Variants in CHMP6 observed in about 807,000 individuals in gnomAD.
CHMP6 encodes charged multivesicular body protein 6, also known as chromatin-modifying protein 6.
A neutral mutation model predicts 32.8 loss-of-function variants in CHMP6; 10 were observed. The ratio of observed to expected loss-of-function variants is 0.30; its 90% confidence interval spans 0.19 to 0.52. The LOEUF is 0.52. Ranked by LOEUF, CHMP6 falls within the 20% of genes least tolerant of loss-of-function variation. The pLI is 0.97. For missense variants in CHMP6, 269 were observed against 263.8 expected, an observed-to-expected ratio of 1.02 and a Z score of -0.14; for synonymous variants, 123 against 105.8, an observed-to-expected ratio of 1.16 and a Z score of -1.00.
At chr17:80,998,603 C>A in intron 7 of CHMP6, 183 bp downstream of exon 7, 1 of 1,456,076 alleles carries the variant, frequency 6.9e-7, no homozygotes, top group Non-Finnish European at 9.0e-7. Context: ...CCCAGGGGTT[C>A]GGTAACTGGG....
chr17:80,994,444 C>A, intron 1 of CHMP6, 137 bp from the exon 2 acceptor site: 1 of 634,676 alleles, frequency 1.6e-6, no homozygotes, highest in South Asian at 2.2e-5. Flanking sequence ...GACAGCACCA[C>A]CTGTCCCCTG....
rs1318258520 is a variant in CHMP6 at position 80,999,321 on chromosome 17, T to C, written c.*168T>C. The C allele has an allele frequency of 7.5e-6, 5 of 668,820 alleles. No homozygotes were observed. The highest frequency in any genetic ancestry group is 1.8e-5 in the South Asian group (1 of 54,780). 41.4% of individuals were successfully genotyped at this position (668,820 alleles called of 1,614,324 possible). Reference sequence around the variant, plus strand: ...TGCAGGAGGACTCCAGAGCGTCTCCTGGAGACCTTGAGCCTGAACGCACTC... The same window carrying C: ...TGCAGGAGGACTCCAGAGCGTCTCCCGGAGACCTTGAGCCTGAACGCACTC... On this transcript the variant is annotated 3_prime_UTR_variant, in exon 8 of 8. Transcript: ENST00000325167.
At chr17:80,998,961 C>T in intron 7 of CHMP6, 137 bp from the exon 8 acceptor site, 1 of 968,998 alleles carries the variant, frequency 1.0e-6, no homozygotes, top group South Asian at 1.5e-5. Flanking sequence ...CACTTGCCTC[C>T]CCCAGAGCTG....
intron 7 of CHMP6, among the ~76,000 whole-genome samples, chr17:80,998,860 C>G (rs530025686): frequency 6.6e-6 from 1 of 152,316 alleles, no homozygotes; most frequent in Non-Finnish European, 1.5e-5. Flanking sequence ...CTCTTCTCCT[C>G]TCTGAGTCCC....
At chr17:80,998,679 C>A in intron 7 of CHMP6, 1 of 1,397,716 alleles carries the variant, frequency 7.2e-7, no homozygotes, top group African/African-American at 1.4e-5. Context: ...TGGGGAAAGG[C>A]TTCTTTAGCA....
chr17:80,992,635 C>CGTTT (rs1291667108), intron 1 of CHMP6, among the ~76,000 whole-genome samples: 6 of 152,138 alleles, frequency 3.9e-5, no homozygotes, highest in Admixed American at 1.3e-4. Context: ...GTGTTTGGCG[C>CGTTT]GTTTGTTTGC....
At chr17:80,997,606 G>A (rs2069650450) in intron 6 of CHMP6, among the ~76,000 whole-genome samples, 1 of 152,180 alleles carries the variant, frequency 6.6e-6, no homozygotes, top group South Asian at 2.1e-4. Context: ...TTCTGTCCCC[G>A]GCTGTCACGG....
intron 4 of CHMP6, among the ~76,000 whole-genome samples, chr17:80,996,550 G>A (rs573629315): frequency 2.6e-5 from 4 of 152,338 alleles, no homozygotes; most frequent in Admixed American, 6.5e-5. Flanking sequence ...GGTGTGTGCC[G>A]GTCAAGCACA....
At chr17:80,994,034 T>C (rs2144146365) in intron 1 of CHMP6, among the ~76,000 whole-genome samples, 1 of 152,264 alleles carries the variant, frequency 6.6e-6, no homozygotes, top group Non-Finnish European at 1.5e-5. Context: ...TGCCTCAGCC[T>C]CCCAGGTAGC....
intron 7 of CHMP6, 118 bp from the exon 8 acceptor site, chr17:80,998,980 C>A: frequency 1.7e-6 from 2 of 1,190,448 alleles, no homozygotes; most frequent in African/African-American, 1.5e-5. Context: ...TGGGCGTGCC[C>A]TTCCCTAGTG....
At position 80,998,386 on chromosome 17, in the gene CHMP6, G is replaced by A. The variant is rs1318580584; in HGVS notation, c.516G>A (p.Glu172=). 1 of 1,614,110 alleles carries A rather than the reference G, an allele frequency of 6.2e-7. No homozygotes were observed. Among genetic ancestry groups the A allele is most frequent in the African/African-American group, 1.3e-5 (1 of 74,942 alleles). The change falls in exon 7 of 8, where the codon GAG becomes GAA. Residue 172 remains glutamate, a synonymous_variant. Transcript: ENST00000325167. The stretch of plus-strand genomic sequence containing the variant: ...TGCAGGAACAAATAGAGCTGCCAGA[G>A]GTTCCCTCCGAGCCCCTTCCTGAGA... ...AITQEQIELP[E]VPSEPLPEKI... is the part of the protein sequence containing the mutation.
Position 80,999,177 on chromosome 17 carries a change from A to C in CHMP6, c.*24A>C. 3 of 1,613,592 alleles carry C rather than the reference A, an allele frequency of 1.9e-6. No individual in the cohort carries two copies. Among genetic ancestry groups the C allele is most frequent in the Non-Finnish European group, 2.5e-6 (3 of 1,179,724 alleles). On this transcript the variant is annotated 3_prime_UTR_variant, in exon 8 of 8. Coordinates refer to ENST00000325167, the MANE Select transcript of CHMP6 (RefSeq NM_024591.5). The stretch of plus-strand genomic sequence containing the variant: ...AACGTGGCCTCGTCTTGTGGGACTC[A>C]CGGGGATGCCCCAGGGACTGTGGCC...
chr17:80,998,271 G>A lies in CHMP6; in HGVS notation c.496-95G>A, dbSNP rs532255357. 56 of 1,403,106 alleles carry A rather than the reference G, an allele frequency of 4.0e-5. No individual in the cohort carries two copies. The African/African-American group carries it at 4.4e-4, about 11-fold the overall frequency. The allele number at this position is 1,403,106 out of a possible 1,614,324, so 86.9% of individuals were successfully genotyped here. On this transcript the variant is annotated intron_variant, in intron 6 of 7. Coordinates refer to ENST00000325167, the MANE Select transcript of CHMP6 (RefSeq NM_024591.5). Reference sequence around the variant, plus strand: ...GTCCGCTTTAACTCCGGCTGAGAGCGGCTGACGGACAGGATCCGTGTCCTC... The same window carrying A: ...GTCCGCTTTAACTCCGGCTGAGAGCAGCTGACGGACAGGATCCGTGTCCTC...
chr17:80,993,101 C>G (rs1265351790), intron 1 of CHMP6, among the ~76,000 whole-genome samples: 2 of 152,154 alleles, frequency 1.3e-5, no homozygotes, highest in Non-Finnish European at 2.9e-5. Context: ...CCTCCCCTCT[C>G]TTTAAGGACT....
chr17:80,997,048 G>A lies in CHMP6; in HGVS notation c.390G>A (p.Thr130=), dbSNP rs140815434. The stretch of plus-strand genomic sequence containing the variant: ...AGGTGGAGAGGATCCTGGACGAGAC[G>A]CAGGAGGCCGTGGAGTACCAGCGGG... ...IEEVERILDE[T]QEAVEYQRQI... The change falls in exon 5 of 8, where the codon ACG becomes ACA. Residue 130 remains threonine, a synonymous_variant. Coordinates refer to ENST00000325167, the MANE Select transcript of CHMP6 (RefSeq NM_024591.5). 3.9e-4 allele frequency: 625 copies of A among 1,613,892 alleles called. 1 individual carries two copies. The highest frequency in any genetic ancestry group is 2.3e-3 in the East Asian group (102 of 44,876).
intron 1 of CHMP6, among the ~76,000 whole-genome samples, 154 bp from the exon 2 acceptor site, chr17:80,994,427 G>A (rs1003232213): frequency 3.5e-4 from 54 of 152,300 alleles, no homozygotes; most frequent in Admixed American, 3.9e-4. Flanking sequence ...ACCCCCAGAC[G>A]TGTCCAGACA....
intron 1 of CHMP6, 35 bp downstream of exon 1, chr17:80,992,016 G>A: frequency 4.5e-6 from 6 of 1,343,634 alleles, no homozygotes; most frequent in Admixed American, 2.9e-5. Context: ...GGCTGGGGCC[G>A]GGACAGGCGA....
At chr17:80,995,909 A>G in intron 4 of CHMP6, 151 bp downstream of exon 4, 1 of 665,128 alleles carries the variant, frequency 1.5e-6, no homozygotes, top group Non-Finnish European at 2.6e-6. Flanking sequence ...CCAGGCAGGC[A>G]GGGATGCAGT....
At position 80,999,654 on chromosome 17, in the gene CHMP6, C is replaced by G. The variant is rs2069669303; in HGVS notation, c.*501C>G. On this transcript the variant is annotated 3_prime_UTR_variant, in exon 8 of 8. Transcript: ENST00000325167. ...GCTGGTGGGGGGATCCCCAGGAGACCAGCATGTGCTGAACCTCTCTGTGCC... is the reference window on the plus strand; with the variant it reads ...GCTGGTGGGGGGATCCCCAGGAGACGAGCATGTGCTGAACCTCTCTGTGCC... 1 of 158,548 alleles carries G rather than the reference C, an allele frequency of 6.3e-6. No individual in the cohort carries two copies. Among genetic ancestry groups the G allele is most frequent in the South Asian group, 1.8e-4 (1 of 5,426 alleles). 9.8% of individuals were successfully genotyped at this position (158,548 alleles called of 1,614,324 possible). A position where few individuals can be genotyped will look rare whatever the true frequency, so the allele number is the denominator to read the frequency against.
Sources: allele counts gnomAD v4.1 joint callset (sites outside exome capture counted in the v4.1 genomes callset), GRCh38; gene constraint gnomAD v4.1.1; transcripts MANE v1.5; gene names NCBI Gene and HGNC (gene_info 2026-07-23, HGNC 2026-07-21).